The following SMIM3 variants were observed in gnomAD, a reference collection of about 807,000 sequenced individuals.
The protein encoded by SMIM3 is NGF-induced differentiation clone 67 protein.
In SMIM3, 4 loss-of-function variants were observed where a neutral mutation model predicts 2.1. The ratio of observed to expected loss-of-function variants is 1.89; its 90% CI spans 0.93 to 4.31. SMIM3 has a LOEUF of 4.31. SMIM3 is among the 30% of genes most tolerant of loss of function. The probability of loss-of-function intolerance (pLI) is 0.01; values close to 1 mark genes in which losing one functional copy is unlikely to be tolerated. For missense variants in SMIM3, 79 were observed against 77.7 expected, an observed-to-expected ratio of 1.02 and a Z score of -0.06; for synonymous variants, 29 against 30.8, an observed-to-expected ratio of 0.94 and a Z score of 0.19.
intron 1 of SMIM3, among the ~76,000 whole-genome samples, chr5:150,792,906 T>G (rs1238476220): frequency 6.6e-6 from 1 of 152,182 alleles, no homozygotes. Flanking sequence ...TGTGAAATAA[T>G]AAGTGAGGAT....
chr5:150,794,815 A>T (rs1436988603), intron 1 of SMIM3, among the ~76,000 whole-genome samples: 1 of 152,154 alleles, frequency 6.6e-6, no homozygotes, highest in Non-Finnish European at 1.5e-5. Flanking sequence ...AGGCTCAAAC[A>T]ATTTATTTAT....
At chr5:150,789,899 C>A (rs1197456529) in intron 1 of SMIM3, among the ~76,000 whole-genome samples, 1 of 152,112 alleles carries the variant, frequency 6.6e-6, no homozygotes, top group Non-Finnish European at 1.5e-5. Context: ...CTGCCAGGCC[C>A]CCACTTTCCA....
intron 1 of SMIM3, among the ~76,000 whole-genome samples, chr5:150,783,989 G>A (rs556444642): frequency 1.3e-4 from 19 of 148,400 alleles, no homozygotes; most frequent in Non-Finnish European, 2.5e-4. Flanking sequence ...TGTGATCTTG[G>A]CTAACTGCAA....
chr5:150,783,897 C>T (rs1188740570), intron 1 of SMIM3, among the ~76,000 whole-genome samples: 1 of 149,594 alleles, frequency 6.7e-6, no homozygotes, highest in Non-Finnish European at 1.5e-5. Context: ...TAACTAATGG[C>T]AGAGGCTTTG....
intron 1 of SMIM3, among the ~76,000 whole-genome samples, 160 bp from the exon 2 acceptor site, chr5:150,795,270 A>T (rs1160996183): frequency 6.6e-6 from 1 of 152,242 alleles, no homozygotes; most frequent in Non-Finnish European, 1.5e-5. Context: ...GGCAATAGGA[A>T]GCCCTCAGTA....
At position 150,795,722 on chromosome 5, in the gene SMIM3, G is replaced by C; in HGVS notation, c.*99G>C. 7.5e-7 allele frequency: 1 copy of C among 1,337,750 alleles called. No individual in the cohort carries two copies. The highest frequency in any genetic ancestry group is 1.0e-6 in the Non-Finnish European group (1 of 989,272). The allele number at this position is 1,337,750 out of a possible 1,614,324, so 82.9% of individuals were successfully genotyped here. A position where few individuals can be genotyped will look rare whatever the true frequency, so the allele number is the denominator to read the frequency against. On this transcript the variant is annotated 3_prime_UTR_variant, in exon 2 of 2. Coordinates refer to ENST00000526627, the MANE Select transcript of SMIM3 (RefSeq NM_032947.5). ...GCAGCAGGAGGGACTTTGGGGCATG[G>C]ACCTGAGTTCTGGTTTTGATTCTGC...
rs1250048244 is a variant in SMIM3 at position 150,779,028 on chromosome 5, G to C, written c.-12+56G>C. The C allele has an allele frequency of 3.4e-5, 16 of 469,202 alleles. No homozygotes were observed. In the Admixed American group the frequency reaches 3.5e-4, roughly 10 times the overall value. The allele number at this position is 469,202 out of a possible 1,614,324, so 29.1% of individuals were successfully genotyped here. ...GGGCTCTGGCAGAGCGGAGCTCTTC[G>C]GATTCGCGACCTACCTCTAGTGCGG... On this transcript the variant is annotated intron_variant, in intron 1 of 1. Coordinates refer to ENST00000526627, the MANE Select transcript of SMIM3 (RefSeq NM_032947.5).
intron 1 of SMIM3, among the ~76,000 whole-genome samples, chr5:150,793,548 G>C (rs1753369649): frequency 6.6e-6 from 1 of 152,092 alleles, no homozygotes; most frequent in Non-Finnish European, 1.5e-5. Flanking sequence ...CTTCAACAAA[G>C]CAAACAAAAA....
intron 1 of SMIM3, among the ~76,000 whole-genome samples, chr5:150,785,500 TCTAA>T (rs1317386023): frequency 1.3e-5 from 2 of 152,164 alleles, no homozygotes; most frequent in Admixed American, 6.5e-5. Flanking sequence ...TGGTTGTCAA[TCTAA>T]CTGTTTCTCT....
intron 1 of SMIM3, 89 bp from the exon 2 acceptor site, chr5:150,795,341 C>T: frequency 7.3e-7 from 1 of 1,370,234 alleles, no homozygotes; most frequent in Non-Finnish European, 1.0e-6. Flanking sequence ...GGTAAGTGAC[C>T]CAGGCTTCTG....
At chr5:150,785,150 C>T (rs1310405439) in intron 1 of SMIM3, among the ~76,000 whole-genome samples, 4 of 136,834 alleles carry the variant, frequency 2.9e-5, no homozygotes, top group African/African-American at 1.2e-4. Flanking sequence ...TGCAGTGGCA[C>T]AATCTTGGTT....
intron 1 of SMIM3, among the ~76,000 whole-genome samples, chr5:150,794,459 T>C (rs1415473087): frequency 6.6e-6 from 1 of 152,204 alleles, no homozygotes; most frequent in Non-Finnish European, 1.5e-5. Flanking sequence ...AACTGTGAGA[T>C]ATACACATGA....
intron 1 of SMIM3, among the ~76,000 whole-genome samples, chr5:150,792,144 A>G (rs28456160): frequency 0.069 from 10,491 of 152,284 alleles, 513 homozygotes; most frequent in East Asian, 0.22. Context: ...AACAGTGGAC[A>G]TGGAGCCAAG....
At chr5:150,784,902 G>A (rs114527259) in intron 1 of SMIM3, among the ~76,000 whole-genome samples, 6,125 of 151,944 alleles carry the variant, frequency 0.04, 172 homozygotes, top group South Asian at 0.11. Context: ...GATATTTTTA[G>A]TGGCTACCAT....
chr5:150,794,368 A>G (rs1753380536), intron 1 of SMIM3, among the ~76,000 whole-genome samples: 2 of 152,190 alleles, frequency 1.3e-5, no homozygotes, highest in Non-Finnish European at 2.9e-5. Context: ...ACTTGCACAT[A>G]CATGTTTATA....
chr5:150,792,936 C>T (rs1279458312), intron 1 of SMIM3, among the ~76,000 whole-genome samples: 2 of 152,046 alleles, frequency 1.3e-5, no homozygotes, highest in Non-Finnish European at 2.9e-5. Flanking sequence ...CAATATTATT[C>T]CAAAGTTTGA....
chr5:150,786,669 T>C (rs1329160974), intron 1 of SMIM3, among the ~76,000 whole-genome samples: 1 of 152,226 alleles, frequency 6.6e-6, no homozygotes, highest in Non-Finnish European at 1.5e-5. Context: ...CTTGGAGTTT[T>C]TTCCTCCTTG....
chr5:150,793,396 G>A (rs1753368283), intron 1 of SMIM3, among the ~76,000 whole-genome samples: 2 of 152,046 alleles, frequency 1.3e-5, no homozygotes, highest in African/African-American at 4.8e-5. Context: ...AAATCTGAAG[G>A]CATCACACTA....
chr5:150,791,413 G>A lies in SMIM3; in HGVS notation c.-11-4017G>A, dbSNP rs1039092279. On this transcript the variant is annotated intron_variant, in intron 1 of 1. Transcript: ENST00000526627. ...TTGACCAGTATCTCCCCATTCCCCC[G>A]ACCTTCCAGCCTCTGGTGACCACCA... is the stretch of plus-strand genomic sequence containing the variant. Among the ~76,000 whole-genome samples the A allele has an allele frequency of 8.6e-5, 13 of 151,778 alleles. No individual in the cohort carries two copies. The South Asian group carries it at 2.7e-3, about 32-fold the overall frequency.
Sources: allele counts gnomAD v4.1 joint callset (sites outside exome capture counted in the v4.1 genomes callset), GRCh38; gene constraint gnomAD v4.1.1; transcripts MANE v1.5; gene names NCBI Gene and HGNC (gene_info 2026-07-23, HGNC 2026-07-21).